Variants in OSBPL3 observed in about 807,000 individuals in gnomAD.
The protein encoded by OSBPL3 is oxysterol-binding protein-related protein 3.
OSBPL3 carries 65 observed loss-of-function variants against 120.1 expected under a neutral mutation model. The ratio of observed to expected loss-of-function variants is 0.54; its 90% CI spans 0.44 to 0.67. The LOEUF (loss-of-function observed/expected upper bound fraction) is 0.67. Among genes scored for constraint, OSBPL3 ranks in the 30% least tolerant of loss-of-function variants. The probability of loss-of-function intolerance (pLI) is 0.00; values close to 1 mark genes in which losing one functional copy is unlikely to be tolerated. For synonymous variants in OSBPL3, 416 were observed against 402.6 expected, an observed-to-expected ratio of 1.03 and a Z score of -0.40; for missense variants, 1,004 against 1,082.1, an observed-to-expected ratio of 0.93 and a Z score of 1.01.
At position 24,952,656 on chromosome 7, in the gene OSBPL3, C is replaced by A. The variant is rs1814577148; in HGVS notation, c.-150+27230G>T. Among the ~76,000 whole-genome samples the A allele has an allele frequency of 6.6e-6, 1 of 152,170 alleles. No homozygotes were observed. Among genetic ancestry groups the A allele is most frequent in the Admixed American group, 6.5e-5 (1 of 15,280 alleles). On this transcript the variant is annotated intron_variant, in intron 1 of 22. Coordinates refer to ENST00000313367, the MANE Select transcript of OSBPL3 (RefSeq NM_015550.4). The surrounding 1 kb of genome is among the most constrained non-coding windows in gnomAD (Gnocchi z 4.4). Reference sequence around the variant, plus strand: ...ATGTATATTCACATGCAAAATCCTGCAACATTCTTAACTGTGCATTACATC... The same window carrying A: ...ATGTATATTCACATGCAAAATCCTGAAACATTCTTAACTGTGCATTACATC...
rs1447073450 is a variant in OSBPL3 at position 24,819,552 on chromosome 7, G to T, written c.1948+623C>A. On this transcript the variant is annotated intron_variant, in intron 17 of 22. Transcript: ENST00000313367. This position sits in a 1 kb window ranked among gnomAD's most constrained non-coding sequence, Gnocchi z 4.1. The stretch of plus-strand genomic sequence containing the variant: ...TTTAATAGACTGCGTGTGTGTGTGT[G>T]CCTGTGTGTGTAAAGGTAACGTGTG... Among the ~76,000 whole-genome samples the T allele has an allele frequency of 6.6e-6, 1 of 152,146 alleles. No individual in the cohort carries two copies. The highest frequency in any genetic ancestry group is 1.5e-5 in the Non-Finnish European group (1 of 68,044).
At chr7:24,931,915 G>A (rs1406732677) in intron 1 of OSBPL3, among the ~76,000 whole-genome samples, 1 of 152,166 alleles carries the variant, frequency 6.6e-6, no homozygotes, top group Non-Finnish European at 1.5e-5. Context: ...GAGGCTTAAT[G>A]GAAAAACATT....
rs979365029 is a variant in OSBPL3 at position 24,881,750 on chromosome 7, C to G, written c.97-9681G>C. Among the ~76,000 whole-genome samples the G allele has an allele frequency of 1.3e-5, 2 of 152,192 alleles. No homozygotes were observed. Among genetic ancestry groups the G allele is most frequent in the Admixed American group, 6.5e-5 (1 of 15,278 alleles). ...AACAGATATTTATTCTCTAGCCGTT[C>G]TGGAGGCCAGAGGTCCAAAATCAAA... On this transcript the variant is annotated intron_variant, in intron 2 of 22. Coordinates refer to ENST00000313367, the MANE Select transcript of OSBPL3 (RefSeq NM_015550.4). This position sits in a 1 kb window ranked among gnomAD's most constrained non-coding sequence, Gnocchi z 4.3.
intron 1 of OSBPL3, among the ~76,000 whole-genome samples, chr7:24,969,290 C>T (rs1462801070): frequency 1.3e-5 from 2 of 152,174 alleles, no homozygotes; most frequent in Admixed American, 6.5e-5. Flanking sequence ...TATGCCATTT[C>T]GTGAACTATG....
rs1584719122 is a variant in OSBPL3 at position 24,952,134 on chromosome 7, A to G, written c.-150+27752T>C. ...AAAAAAGGAGCTCAGACTTTGAGTAAAGTCTTAGTCTTGGAATGCAATAGG... is the reference window on the plus strand; with the variant it reads ...AAAAAAGGAGCTCAGACTTTGAGTAGAGTCTTAGTCTTGGAATGCAATAGG... On this transcript the variant is annotated intron_variant, in intron 1 of 22. Coordinates refer to ENST00000313367, the MANE Select transcript of OSBPL3 (RefSeq NM_015550.4). The surrounding 1 kb of genome is among the most constrained non-coding windows in gnomAD (Gnocchi z 4.4). Among the ~76,000 whole-genome samples, 1 of 152,328 alleles carries G rather than the reference A, an allele frequency of 6.6e-6. No individual in the cohort carries two copies. The highest frequency in any genetic ancestry group is 2.4e-5 in the African/African-American group (1 of 41,584).
At chr7:24,978,407 T>C (rs955861300) in intron 1 of OSBPL3, among the ~76,000 whole-genome samples, 1 of 152,248 alleles carries the variant, frequency 6.6e-6, no homozygotes, top group Admixed American at 6.5e-5. Context: ...ACAAGGTCTC[T>C]GCATTCCTGG....
intron 12 of OSBPL3, 43 bp from the exon 13 acceptor site, chr7:24,842,456 T>A: frequency 2.8e-6 from 4 of 1,424,936 alleles, no homozygotes; most frequent in Non-Finnish European, 3.9e-6. Context: ...TTTAAAAACA[T>A]TCTCAAGAGA....
Position 24,938,779 on chromosome 7 carries a change from ATGTGTGTG to A in OSBPL3, c.-150+41099_-150+41106del, listed in dbSNP as rs142720310. Among the ~76,000 whole-genome samples, 5,167 of 94,140 alleles carry A rather than the reference ATGTGTGTG, an allele frequency of 0.055. 156 individuals carry two copies. The highest frequency in any genetic ancestry group is 0.077 in the Non-Finnish European group (3,473 of 45,040). The allele number at this position is 94,140 out of a possible 152,430, so 61.8% of individuals were successfully genotyped here. On this transcript the variant is annotated intron_variant, in intron 1 of 22. Transcript: ENST00000313367. This position sits in a 1 kb window ranked among gnomAD's most constrained non-coding sequence, Gnocchi z 5.8. ...AACTGAATAATGAGGTTTTGTTTTG[ATGTGTGTG>A]TGTGTGTGTGTGTGTGTGTGTGTGT...
At chr7:24,836,180 A>C (rs952586218) in intron 14 of OSBPL3, among the ~76,000 whole-genome samples, 3 of 152,230 alleles carry the variant, frequency 2.0e-5, no homozygotes, top group African/African-American at 7.2e-5. Flanking sequence ...ATGTTGTTAG[A>C]CTTCTGATTC....
At position 24,900,964 on chromosome 7, in the gene OSBPL3, T is replaced by G. The variant is rs1806899353; in HGVS notation, c.-149-8343A>C. Among the ~76,000 whole-genome samples the G allele has an allele frequency of 6.8e-6, 1 of 147,870 alleles. No individual in the cohort carries two copies. The highest frequency in any genetic ancestry group is 2.5e-5 in the African/African-American group (1 of 39,794). ...TGAGTCTGGGAGGCGGAGGTTGCAG[T>G]GAGCTGAGGTTTTGCCACTGCACTC... On this transcript the variant is annotated intron_variant, in intron 1 of 22. Transcript: ENST00000313367. The surrounding 1 kb of genome is among the most constrained non-coding windows in gnomAD (Gnocchi z 4.5).
At position 24,966,351 on chromosome 7, in the gene OSBPL3, T is replaced by C. The variant is rs1417012736; in HGVS notation, c.-150+13535A>G. On this transcript the variant is annotated intron_variant, in intron 1 of 22. Coordinates refer to ENST00000313367, the MANE Select transcript of OSBPL3 (RefSeq NM_015550.4). This position sits in a 1 kb window ranked among gnomAD's most constrained non-coding sequence, Gnocchi z 4.8. ...AAAAGGCAGTCATCTAATATAAAGATCTATCTACACCTAGCTACACACACC... is the reference window on the plus strand; with the variant it reads ...AAAAGGCAGTCATCTAATATAAAGACCTATCTACACCTAGCTACACACACC... 6.6e-6 allele frequency among the ~76,000 whole-genome samples: 1 copy of C among 151,956 alleles called. No homozygotes were observed. Among genetic ancestry groups the C allele is most frequent in the Non-Finnish European group, 1.5e-5 (1 of 67,986 alleles).
chr7:24,961,667 A>G (rs1001925994), intron 1 of OSBPL3, among the ~76,000 whole-genome samples: 2 of 152,224 alleles, frequency 1.3e-5, no homozygotes, highest in Non-Finnish European at 2.9e-5. Flanking sequence ...CCCAGCCTCC[A>G]GAACTGAATG....
In OSBPL3 at chr7:24,852,544, G is replaced by A. The variant is rs149871533; in HGVS notation, c.1118C>T (p.Pro373Leu). The A allele has an allele frequency of 1.9e-4, 311 of 1,605,502 alleles. No homozygotes were observed. The highest frequency in any genetic ancestry group is 2.4e-4 in the Non-Finnish European group (284 of 1,178,054). ...QLMEQDASSS[P>L]SAQVIGLKNA... is the part of the protein sequence containing the mutation. ...CTTCAGACCAATGACCTGAGCAGAC[G>A]GGGAGGAGGAGGCATCCTGCTCCAT... The change falls in exon 11 of 23, where the codon CCG (proline) becomes CTG (leucine). Residue 373 changes from proline (P) to leucine (L), a missense_variant. By Grantham distance (98) the Pro-to-Leu change is moderately conservative. Around this residue, in one of 4 missense-constraint regions of OSBPL3, gnomAD observed 272 missense variants for 248.8 expected, o/e 1.09. Coordinates refer to ENST00000313367, the MANE Select transcript of OSBPL3 (RefSeq NM_015550.4). The surrounding 1 kb of genome is among the most constrained non-coding windows in gnomAD (Gnocchi z 4.1).
rs528120083 is a variant in OSBPL3 at position 24,871,553 on chromosome 7, G to A, written c.267+189C>T. 2.9e-4 allele frequency among the ~76,000 whole-genome samples: 44 copies of A among 152,248 alleles called. No homozygotes were observed. The South Asian group carries it at 8.7e-3, about 30-fold the overall frequency. On this transcript the variant is annotated intron_variant, in intron 4 of 22. Coordinates refer to ENST00000313367, the MANE Select transcript of OSBPL3 (RefSeq NM_015550.4). The surrounding 1 kb of genome is among the most constrained non-coding windows in gnomAD (Gnocchi z 4.8). ...TGCATGCCCAGAGAGTGTTGCGGGA[G>A]CCCCTGCACCTTGACCTGGTGGAAG... is the stretch of plus-strand genomic sequence containing the variant.
chr7:24,882,482 C>T (rs551603071), intron 2 of OSBPL3, among the ~76,000 whole-genome samples: 2 of 152,240 alleles, frequency 1.3e-5, no homozygotes, highest in African/African-American at 4.8e-5. Context: ...TATATATTTT[C>T]GTCATCCATG....
Position 24,849,254 on chromosome 7 carries a change from C to A in OSBPL3, c.1159-78G>T. 5 of 1,065,028 alleles carry A rather than the reference C, an allele frequency of 4.7e-6. No individual in the cohort carries two copies. Among genetic ancestry groups the A allele is most frequent in the Middle Eastern group, 2.1e-4 (1 of 4,794 alleles). 66.0% of individuals were successfully genotyped at this position (1,065,028 alleles called of 1,614,324 possible). ...AGCACAGCAGTGGGCCCTGCAGGAGCGATCTCTAAGAGCTTGATGAAACTC... is the reference window on the plus strand; with the variant it reads ...AGCACAGCAGTGGGCCCTGCAGGAGAGATCTCTAAGAGCTTGATGAAACTC... On this transcript the variant is annotated intron_variant, in intron 11 of 22. Coordinates refer to ENST00000313367, the MANE Select transcript of OSBPL3 (RefSeq NM_015550.4). This position sits in a 1 kb window ranked among gnomAD's most constrained non-coding sequence, Gnocchi z 5.4.
rs1474717691 is a variant in OSBPL3, at chr7:24,940,246, T to G, written c.-150+39640A>C. ...TCTGTTAATATTAAAATCATAAATT[T>G]GTAAGAAAGCCAATAAGCAGAGTGG... On this transcript the variant is annotated intron_variant, in intron 1 of 22. Coordinates refer to ENST00000313367, the MANE Select transcript of OSBPL3 (RefSeq NM_015550.4). The surrounding 1 kb of genome is among the most constrained non-coding windows in gnomAD (Gnocchi z 4.4). Among the ~76,000 whole-genome samples, 2 of 152,138 alleles carry G rather than the reference T, an allele frequency of 1.3e-5. No homozygotes were observed. Among genetic ancestry groups the G allele is most frequent in the Admixed American group, 6.6e-5 (1 of 15,266 alleles).
chr7:24,856,760 C>G (rs1197092211), intron 10 of OSBPL3, among the ~76,000 whole-genome samples: 3 of 152,142 alleles, frequency 2.0e-5, no homozygotes. Context: ...CATTTTTCCC[C>G]CTTTTTAATT....
Position 24,834,630 on chromosome 7 carries a change from G to C in OSBPL3, c.1602C>G (p.Asn534Lys), listed in dbSNP as rs766922521. The C allele has an allele frequency of 1.1e-5, 17 of 1,614,062 alleles. No individual in the cohort carries two copies. The highest frequency in any genetic ancestry group is 1.4e-5 in the Non-Finnish European group (17 of 1,180,024). ...SNISLWNILR[N>K]NIGKDLSKVA... ...CCTTGGACAGGTCCTTCCCGATGTT[G>C]TTCCTCAGGATGTTCCACAGGCTGA... is the stretch of plus-strand genomic sequence containing the variant. The change falls in exon 15 of 23, where the codon AAC becomes AAG. Residue 534 changes from asparagine to lysine, a missense_variant. Physicochemically the swap from Asn to Lys is moderately conservative, Grantham distance 94. Coordinates refer to ENST00000313367, the MANE Select transcript of OSBPL3 (RefSeq NM_015550.4). The surrounding 1 kb of genome is among the most constrained non-coding windows in gnomAD (Gnocchi z 5.2).
Sources: allele counts gnomAD v4.1 joint callset (sites outside exome capture counted in the v4.1 genomes callset), GRCh38; gene constraint gnomAD v4.1.1; regional missense constraint gnomAD v4.1.1; non-coding constraint Gnocchi (gnomAD v3.1); transcripts MANE v1.5; gene names NCBI Gene and HGNC (gene_info 2026-07-23, HGNC 2026-07-21).